Variants in TAFA2 observed in about 807,000 individuals in gnomAD.
The protein encoded by TAFA2 is TAFA chemokine like family member 2.
Under a neutral mutation model 18.8 loss-of-function variants are expected in TAFA2, and 7 were observed. That is an observed-to-expected ratio of 0.37 (90% CI 0.21 to 0.70). The LOEUF is 0.70. Ranked by LOEUF, TAFA2 falls within the 30% of genes least tolerant of loss-of-function variation. The pLI is 0.53. For synonymous variants in TAFA2, 60 were observed against 54.2 expected (o/e 1.11, Z -0.47); for missense variants, 122 against 158.1 (o/e 0.77, Z 1.23).
intron 1 of TAFA2, among the ~76,000 whole-genome samples, chr12:62,256,373 ATT>A (rs1258625631): frequency 2.0e-5 from 3 of 152,296 alleles, no homozygotes; most frequent in Admixed American, 6.5e-5. Flanking sequence ...AGAAAATATA[ATT>A]TTGTTTGCTC....
intron 2 of TAFA2, among the ~76,000 whole-genome samples, chr12:61,804,999 C>G (rs1159932765): frequency 1.3e-5 from 2 of 151,864 alleles, no homozygotes; most frequent in East Asian, 3.9e-4. Flanking sequence ...GCAAGCTTTG[C>G]TATACTTATT....
intron 4 of TAFA2, among the ~76,000 whole-genome samples, chr12:61,732,733 T>TTGTGTGTGTG (rs879689003): frequency 9.0e-6 from 1 of 111,398 alleles, no homozygotes; most frequent in African/African-American, 3.0e-5. Flanking sequence ...AAGTGATTTT[T>TTGTGTGTGTG]TGTGTGTGTG....
At chr12:62,143,967 G>A (rs1467003194) in intron 1 of TAFA2, among the ~76,000 whole-genome samples, 4 of 146,768 alleles carry the variant, frequency 2.7e-5, no homozygotes, top group East Asian at 2.1e-4. Context: ...AGGATCGCTT[G>A]AGCCAAGGAG....
intron 2 of TAFA2, among the ~76,000 whole-genome samples, chr12:61,794,160 C>A (rs532291514): frequency 6.6e-6 from 1 of 152,068 alleles, no homozygotes; most frequent in African/African-American, 2.4e-5. Flanking sequence ...AGTCCACTCC[C>A]ACCACCTGTA....
intron 2 of TAFA2, among the ~76,000 whole-genome samples, chr12:61,825,415 G>A (rs1872503284): frequency 6.6e-6 from 1 of 152,092 alleles, no homozygotes; most frequent in African/African-American, 2.4e-5. Context: ...ATTGGTTTGT[G>A]GGGAGAAAAT....
chr12:61,757,931 G>C (rs1421316346), intron 2 of TAFA2, among the ~76,000 whole-genome samples: 1 of 152,014 alleles, frequency 6.6e-6, no homozygotes, highest in African/African-American at 2.4e-5. Flanking sequence ...GTAACTACTT[G>C]ATCTTGGTAC....
At chr12:61,948,523 T>A (rs1878357917) in intron 1 of TAFA2, among the ~76,000 whole-genome samples, 1 of 152,126 alleles carries the variant, frequency 6.6e-6, no homozygotes, top group Non-Finnish European at 1.5e-5. Flanking sequence ...AAGGCCACTT[T>A]AAAGATTGAC....
At chr12:62,257,055 AG>A (rs2062942830) in intron 1 of TAFA2, among the ~76,000 whole-genome samples, 1 of 152,118 alleles carries the variant, frequency 6.6e-6, no homozygotes, top group African/African-American at 2.4e-5. Flanking sequence ...TATCAAAGAC[AG>A]GAAGAGTTGA....
At chr12:61,906,717 G>C (rs570853576) in intron 1 of TAFA2, among the ~76,000 whole-genome samples, 1 of 152,322 alleles carries the variant, frequency 6.6e-6, no homozygotes, top group African/African-American at 2.4e-5. Flanking sequence ...CTGGAAACTG[G>C]TTGAATGGCT....
rs1179858447 is a variant in TAFA2 at position 61,867,445 on chromosome 12, TA to T, written c.-1-20del. 7.1e-7 allele frequency: 1 copy of T among 1,406,978 alleles called. No individual in the cohort carries two copies. The highest frequency in any genetic ancestry group is 1.0e-6 in the Non-Finnish European group (1 of 1,000,392). The allele number at this position is 1,406,978 out of a possible 1,614,324, so 87.2% of individuals were successfully genotyped here. A position where few individuals can be genotyped will look rare whatever the true frequency, so the allele number is the denominator to read the frequency against. On this transcript the variant is annotated intron_variant, in intron 1 of 4. Coordinates refer to ENST00000416284, the MANE Select transcript of TAFA2 (RefSeq NM_178539.5). Reference sequence around the variant, plus strand: ...ACTCATCCTGCAAATAAAAAAATAATAAAAATCATAAGTATGCAAATTCATA... The same window carrying T: ...ACTCATCCTGCAAATAAAAAAATAATAAAATCATAAGTATGCAAATTCATA...
intron 2 of TAFA2, among the ~76,000 whole-genome samples, chr12:61,773,616 C>G (rs1478360778): frequency 6.6e-6 from 1 of 151,922 alleles, no homozygotes; most frequent in African/African-American, 2.4e-5. Flanking sequence ...AGAGGACACC[C>G]TTTTCAACAA....
intron 1 of TAFA2, among the ~76,000 whole-genome samples, chr12:61,890,031 C>T (rs1362578361): frequency 4.6e-5 from 7 of 152,190 alleles, no homozygotes; most frequent in African/African-American, 1.4e-4. Flanking sequence ...CAAAAATAGC[C>T]TGTGAGTTGA....
intron 1 of TAFA2, among the ~76,000 whole-genome samples, chr12:62,141,730 A>G (rs1004945179): frequency 7.2e-5 from 11 of 152,234 alleles, no homozygotes; most frequent in African/African-American, 2.7e-4. Flanking sequence ...GCTAACAGCC[A>G]TGCCCCAAAC....
intron 2 of TAFA2, among the ~76,000 whole-genome samples, chr12:61,857,937 C>T (rs1323904358): frequency 6.6e-6 from 1 of 152,148 alleles, no homozygotes; most frequent in East Asian, 1.9e-4. Context: ...TTTTTTCCTG[C>T]TTCTGGCTTC....
chr12:61,872,607 C>A (rs192761783), intron 1 of TAFA2, among the ~76,000 whole-genome samples: 12 of 152,152 alleles, frequency 7.9e-5, no homozygotes, highest in Middle Eastern at 3.4e-3. Flanking sequence ...GAGAAAAAAA[C>A]CAACATCATC....
chr12:61,912,146 G>T (rs1000093179), intron 1 of TAFA2, among the ~76,000 whole-genome samples: 1 of 152,146 alleles, frequency 6.6e-6, no homozygotes, highest in Non-Finnish European at 1.5e-5. Flanking sequence ...GAATTCCAAG[G>T]TTCAGCAAGG....
At chr12:61,760,569 A>T (rs202242346) in intron 2 of TAFA2, among the ~76,000 whole-genome samples, 1 of 151,726 alleles carries the variant, frequency 6.6e-6, no homozygotes, top group East Asian at 1.9e-4. Flanking sequence ...ACTGCTCAGT[A>T]TGTGGTATGT....
chr12:62,167,217 G>A (rs942670899), intron 1 of TAFA2, among the ~76,000 whole-genome samples: 1 of 152,040 alleles, frequency 6.6e-6, no homozygotes, highest in Non-Finnish European at 1.5e-5. Context: ...AGAAAGAAAG[G>A]AAGATGAAGG....
At chr12:61,801,371 T>C (rs1017461871) in intron 2 of TAFA2, among the ~76,000 whole-genome samples, 1 of 152,078 alleles carries the variant, frequency 6.6e-6, no homozygotes, top group African/African-American at 2.4e-5. Flanking sequence ...CTTCAAAATA[T>C]ACTGCAAAGC....
Sources: gnomAD v4.1 joint callset for allele counts (sites outside exome capture counted in the v4.1 genomes callset) on GRCh38, gnomAD v4.1.1 for gene constraint, MANE v1.5 for transcripts, NCBI Gene and HGNC (gene_info 2026-07-23, HGNC 2026-07-21) for gene names.